STAT3: variants seen among roughly 807,000 people sequenced by gnomAD.
The protein encoded by STAT3 is signal transducer and activator of transcription 3.
A neutral mutation model predicts 114.3 loss-of-function variants in STAT3; 7 were observed. The ratio of observed to expected loss-of-function variants is 0.06; its 90% CI spans 0.03 to 0.11. The LOEUF (loss-of-function observed/expected upper bound fraction) is 0.11, where lower values mean the gene tolerates loss of function less well. STAT3 is among the 10% of genes least tolerant of loss of function. The pLI is 1.00. For missense variants in STAT3, 364 were observed against 960.9 expected (o/e 0.38, Z 8.21); for synonymous variants, 331 against 354.5 (o/e 0.93, Z 0.74).
chr17:42,373,012 C>G (rs1388034456), intron 1 of STAT3, among the ~76,000 whole-genome samples: 2 of 152,258 alleles, frequency 1.3e-5, no homozygotes, highest in South Asian at 4.1e-4. Flanking sequence ...TGGAAACTCT[C>G]TGTACTTTCC....
chr17:42,317,373 G>C, intron 21 of STAT3, 149 bp from the exon 22 acceptor site: 1 of 893,032 alleles, frequency 1.1e-6, no homozygotes. Flanking sequence ...TGCCCCTCAG[G>C]GTTGTCTGCC....
chr17:42,329,285 T>C lies in STAT3; in HGVS notation c.1281+125A>G, dbSNP rs565325765. 1.4e-5 allele frequency: 21 copies of C among 1,451,576 alleles called. 1 individual carries two copies. The Middle Eastern group carries it at 7.4e-4, about 51-fold the overall frequency. 89.9% of individuals were successfully genotyped at this position (1,451,576 alleles called of 1,614,324 possible). A position where few individuals can be genotyped will look rare whatever the true frequency, so the allele number is the denominator to read the frequency against. ...CATGTCACTTTGGCCTGAAGTGACTTTTTGGAATAACTACAGCTGAAAGAA... is the reference window on the plus strand; with the variant it reads ...CATGTCACTTTGGCCTGAAGTGACTCTTTGGAATAACTACAGCTGAAAGAA... On this transcript the variant is annotated intron_variant, in intron 14 of 23. Coordinates refer to ENST00000264657, the MANE Select transcript of STAT3 (RefSeq NM_139276.3).
At chr17:42,331,679 G>A in intron 10 of STAT3, 148 bp from the exon 11 acceptor site, 1 of 687,604 alleles carries the variant, frequency 1.5e-6, no homozygotes, top group Non-Finnish European at 2.5e-6. Flanking sequence ...TATAATCTCA[G>A]CACTGTGGGA....
intron 8 of STAT3, among the ~76,000 whole-genome samples, chr17:42,336,146 T>C (rs1327062944): frequency 1.3e-5 from 2 of 152,154 alleles, no homozygotes; most frequent in Non-Finnish European, 2.9e-5. Flanking sequence ...GGCATTCTCA[T>C]GTAGAGTTGC....
intron 1 of STAT3, among the ~76,000 whole-genome samples, chr17:42,355,947 A>G (rs1421372528): frequency 6.6e-6 from 1 of 152,208 alleles, no homozygotes; most frequent in Non-Finnish European, 1.5e-5. Flanking sequence ...CCAGAACAGA[A>G]AGTGATCTAA....
Position 42,316,782 on chromosome 17 carries a change from T to A in STAT3, c.2257+7A>T. ...ATAGGGACAAAGTCTGTCAACCAAA[T>A]ACTCACCAAACTGCCCTCCTGCTGA... On this transcript the variant is annotated splice_region_variant and intron_variant, in intron 23 of 23. Transcript: ENST00000264657. 6.2e-7 allele frequency: 1 copy of A among 1,613,698 alleles called. No homozygotes were observed. The highest frequency in any genetic ancestry group is 8.5e-7 in the Non-Finnish European group (1 of 1,179,876).
chr17:42,365,314 G>A (rs935757406), intron 1 of STAT3, among the ~76,000 whole-genome samples: 5 of 152,162 alleles, frequency 3.3e-5, no homozygotes, highest in African/African-American at 7.2e-5. Context: ...TTGAGTCATC[G>A]CAGCCCAGAC....
intron 1 of STAT3, among the ~76,000 whole-genome samples, chr17:42,377,691 T>C (rs539261008): frequency 6.6e-6 from 1 of 152,326 alleles, no homozygotes; most frequent in Non-Finnish European, 1.5e-5. Context: ...ATATTGGTAT[T>C]ACAATAAAGA....
At chr17:42,365,944 G>A (rs2083766102) in intron 1 of STAT3, among the ~76,000 whole-genome samples, 2 of 152,054 alleles carry the variant, frequency 1.3e-5, no homozygotes, top group South Asian at 4.1e-4. Flanking sequence ...ATGAGCCACC[G>A]TGCCCGGCCT....
rs751536580 is a variant in STAT3 at position 42,322,463 on chromosome 17, G to A, written c.1920C>T (p.Tyr640=). ...GKTQIQSVEP[Y]TKQQLNNMSF... The stretch of plus-strand genomic sequence containing the variant: ...ACATGTTGTTCAGCTGCTGCTTTGT[G>A]TATGGTTCCACGGACTGGATCTGGG... Residue 640 remains tyrosine (Y), a synonymous_variant, in exon 21 of 24, where the codon TAC becomes TAT. Coordinates refer to ENST00000264657, the MANE Select transcript of STAT3 (RefSeq NM_139276.3). The A allele has an allele frequency of 3.2e-5, 51 of 1,614,100 alleles. No homozygotes were observed. The highest frequency in any genetic ancestry group is 5.3e-5 in the African/African-American group (4 of 74,934).
At position 42,315,620 on chromosome 17, in the gene STAT3, T is replaced by A. The variant is rs2081217147; in HGVS notation, c.*125A>T. On this transcript the variant is annotated 3_prime_UTR_variant, in exon 24 of 24. Coordinates refer to ENST00000264657, the MANE Select transcript of STAT3 (RefSeq NM_139276.3). ...GCTCAAAGATAGCAGAAGTAGGAGA[T>A]TAAAAAAAATCTGGAACCACAAAGT... 5.1e-6 allele frequency: 5 copies of A among 980,812 alleles called. No homozygotes were observed. The allele number at this position is 980,812 out of a possible 1,614,324, so 60.8% of individuals were successfully genotyped here. A position where few individuals can be genotyped will look rare whatever the true frequency, so the allele number is the denominator to read the frequency against.
chr17:42,370,294 A>G (rs1372218084), intron 1 of STAT3, among the ~76,000 whole-genome samples: 2 of 146,306 alleles, frequency 1.4e-5, no homozygotes, highest in Non-Finnish European at 3.0e-5. Context: ...CGTCCAGGCT[A>G]GAGTACAGTG....
At chr17:42,320,748 A>AT (rs1227376907) in intron 21 of STAT3, among the ~76,000 whole-genome samples, 3 of 150,318 alleles carry the variant, frequency 2.0e-5, no homozygotes, top group Non-Finnish European at 4.4e-5. Context: ...AAAAAAAAAA[A>AT]GCCCATCATT....
intron 1 of STAT3, among the ~76,000 whole-genome samples, chr17:42,353,952 A>G (rs572444430): frequency 1.3e-4 from 20 of 152,146 alleles, no homozygotes; most frequent in Non-Finnish European, 2.5e-4. Flanking sequence ...TCCAAATTAA[A>G]TCATGAAACA....
intron 4 of STAT3, among the ~76,000 whole-genome samples, chr17:42,341,612 C>A (rs2144922503): frequency 6.6e-6 from 1 of 152,262 alleles, no homozygotes; most frequent in Middle Eastern, 3.4e-3. Flanking sequence ...TATCTTTAAC[C>A]AATTCTAGAC....
chr17:42,322,181 C>A, intron 21 of STAT3, 101 bp downstream of exon 21: 1 of 1,098,388 alleles, frequency 9.1e-7, no homozygotes, highest in Non-Finnish European at 1.4e-6. Context: ...AAATAATTAT[C>A]CCCCAGGTTA....
At chr17:42,339,570 A>T (rs1315688774) in intron 4 of STAT3, among the ~76,000 whole-genome samples, 161 bp from the exon 5 acceptor site, 1 of 152,184 alleles carries the variant, frequency 6.6e-6, no homozygotes, top group Non-Finnish European at 1.5e-5. Context: ...CTGTCACTAC[A>T]CAGGTGACAC....
At chr17:42,338,620 C>A in intron 6 of STAT3, 111 bp downstream of exon 6, 1 of 1,051,264 alleles carries the variant, frequency 9.5e-7, no homozygotes, top group South Asian at 1.3e-5. Flanking sequence ...CCGTACCTCC[C>A]TTGCGCCCCG....
At chr17:42,322,615 C>T in intron 20 of STAT3, 121 bp from the exon 21 acceptor site, 1 of 1,060,776 alleles carries the variant, frequency 9.4e-7, no homozygotes, top group Non-Finnish European at 1.5e-6. Flanking sequence ...TGTTGAGACC[C>T]TGAACACCCT....
Sources: gnomAD v4.1 joint callset for allele counts (sites outside exome capture counted in the v4.1 genomes callset) on GRCh38, gnomAD v4.1.1 for gene constraint, MANE v1.5 for transcripts, NCBI Gene and HGNC (gene_info 2026-07-23, HGNC 2026-07-21) for gene names.